Variants in SH3GL3 observed in about 807,000 individuals in gnomAD.
SH3GL3 encodes endophilin-A3.
A neutral mutation model predicts 47.7 loss-of-function variants in SH3GL3; 33 were observed. That is an observed-to-expected ratio of 0.69 (90% confidence interval 0.52 to 0.92). The LOEUF is 0.92. SH3GL3 is among the 40% of genes least tolerant of loss of function. SH3GL3 has a pLI of 0.00. For missense variants in SH3GL3, 363 were observed against 417.8 expected (o/e 0.87, Z 1.14); for synonymous variants, 155 against 148.8 (o/e 1.04, Z -0.30).
At chr15:83,554,019 CTTT>C (rs373240676) in intron 1 of SH3GL3, among the ~76,000 whole-genome samples, 2 of 129,430 alleles carry the variant, frequency 1.5e-5, no homozygotes, top group Non-Finnish European at 3.3e-5. Context: ...TTCTCTCGCT[CTTT>C]TTTTTTTTTT....
intron 1 of SH3GL3, among the ~76,000 whole-genome samples, chr15:83,474,070 T>A (rs1374495676): frequency 6.6e-6 from 1 of 152,050 alleles, no homozygotes; most frequent in Non-Finnish European, 1.5e-5. Flanking sequence ...AAATTGTAGT[T>A]AGTGTGAGGA....
intron 3 of SH3GL3, 42 bp from the exon 4 acceptor site, chr15:83,568,487 A>G (rs1227681660): frequency 2.6e-6 from 4 of 1,566,310 alleles, no homozygotes; most frequent in Admixed American, 1.7e-5. Context: ...CTGTCACTCC[A>G]CCTTGTAACT....
At chr15:83,509,962 C>CT (rs1262296566) in intron 1 of SH3GL3, among the ~76,000 whole-genome samples, 1 of 152,150 alleles carries the variant, frequency 6.6e-6, no homozygotes, top group African/African-American at 2.4e-5. Context: ...GGCCCACACA[C>CT]TTTTGCCATC....
chr15:83,502,752 G>C (rs1276719965), intron 1 of SH3GL3, among the ~76,000 whole-genome samples: 2 of 152,220 alleles, frequency 1.3e-5, no homozygotes, highest in Admixed American at 6.5e-5. Flanking sequence ...TTTTGTTGAG[G>C]GGGTTTCACT....
At chr15:83,463,755 CT>C (rs759630479) in intron 1 of SH3GL3, among the ~76,000 whole-genome samples, 1 of 134,786 alleles carries the variant, frequency 7.4e-6, no homozygotes, top group South Asian at 2.2e-4. Context: ...CCCATGTCTG[CT>C]TTCTTTCTTT....
chr15:83,555,281 A>G (rs1430335291), intron 1 of SH3GL3, among the ~76,000 whole-genome samples: 3 of 152,106 alleles, frequency 2.0e-5, no homozygotes, highest in African/African-American at 7.2e-5. Flanking sequence ...TTATTCCTTT[A>G]TCTATCATTT....
chr15:83,485,203 G>C (rs895987372), intron 1 of SH3GL3, among the ~76,000 whole-genome samples: 2 of 152,136 alleles, frequency 1.3e-5, no homozygotes, highest in Non-Finnish European at 2.9e-5. Context: ...TTCAACTGAG[G>C]AAAGTGTTTT....
At chr15:83,607,929 C>A (rs1357099117) in intron 8 of SH3GL3, among the ~76,000 whole-genome samples, 1 of 151,374 alleles carries the variant, frequency 6.6e-6, no homozygotes, top group Non-Finnish European at 1.5e-5. Flanking sequence ...GACCTGGTTG[C>A]AATAGAGGGG....
At chr15:83,535,592 T>A (rs2043868384) in intron 1 of SH3GL3, among the ~76,000 whole-genome samples, 1 of 152,206 alleles carries the variant, frequency 6.6e-6, no homozygotes, top group Admixed American at 6.5e-5. Flanking sequence ...CCCCAGACAC[T>A]GTTGAGATCT....
chr15:83,588,707 G>A lies in SH3GL3; in HGVS notation c.774G>A (p.Arg258=). 1.2e-6 allele frequency: 2 copies of A among 1,613,456 alleles called. No homozygotes were observed. The highest frequency in any genetic ancestry group is 1.7e-6 in the Non-Finnish European group (2 of 1,179,368). ...SSVPRREYKP[R]PVKRSSSELN... ...TCCCCAGACGAGAATACAAGCCAAG[G>A]CCTGTGAAAAGGAGTTCTAGTGAGC... The change falls in exon 8 of 9, where the codon AGG becomes AGA. Residue 258 remains arginine (R), a synonymous_variant. Transcript: ENST00000427482.
chr15:83,541,836 AT>A (rs1274819597), intron 1 of SH3GL3, among the ~76,000 whole-genome samples: 2 of 152,062 alleles, frequency 1.3e-5, no homozygotes, highest in Admixed American at 6.6e-5. Flanking sequence ...CTATAGAGTT[AT>A]TTGACCTCCT....
At chr15:83,628,702 C>T in the SH3GL3 span, among the ~76,000 whole-genome samples, 2 of 152,088 alleles carry the variant, frequency 1.3e-5, no homozygotes, top group Non-Finnish European at 2.9e-5. Flanking sequence ...GAGATCACGC[C>T]ATTCACTGCC....
At chr15:83,519,004 G>GT (rs1351675160) in intron 1 of SH3GL3, among the ~76,000 whole-genome samples, 1 of 151,878 alleles carries the variant, frequency 6.6e-6, no homozygotes, top group East Asian at 1.9e-4. Context: ...TTTCTGGGTT[G>GT]TCTGTTCTGT....
chr15:83,575,631 C>T (rs192589053), intron 5 of SH3GL3, among the ~76,000 whole-genome samples: 2 of 152,244 alleles, frequency 1.3e-5, no homozygotes, highest in African/African-American at 2.4e-5. Context: ...GGATTAGGGA[C>T]CAGCCCAAAG....
At chr15:83,620,525 G>A (rs1242738435), downstream of SH3GL3, among the ~76,000 whole-genome samples, 1 of 152,224 alleles carries the variant, frequency 6.6e-6, no homozygotes, top group Non-Finnish European at 1.5e-5. Flanking sequence ...GCTCCTGGAT[G>A]ACAAGGTGCA....
At chr15:83,539,178 T>G (rs1175698259) in intron 1 of SH3GL3, among the ~76,000 whole-genome samples, 1 of 152,228 alleles carries the variant, frequency 6.6e-6, no homozygotes, top group Non-Finnish European at 1.5e-5. Context: ...CCTTACAGGC[T>G]GCCACAACAA....
intron 1 of SH3GL3, among the ~76,000 whole-genome samples, chr15:83,548,020 A>G (rs1054698082): frequency 6.6e-6 from 1 of 151,484 alleles, no homozygotes; most frequent in Non-Finnish European, 1.5e-5. Context: ...TTATTTTATA[A>G]TTATTTAAAA....
At chr15:83,504,296 C>T (rs2042401477) in intron 1 of SH3GL3, among the ~76,000 whole-genome samples, 2 of 152,146 alleles carry the variant, frequency 1.3e-5, no homozygotes, top group South Asian at 4.1e-4. Context: ...GTGTTCCTTC[C>T]TGATACAATC....
intron 1 of SH3GL3, among the ~76,000 whole-genome samples, chr15:83,518,031 T>C (rs1214460893): frequency 6.6e-6 from 1 of 152,230 alleles, no homozygotes; most frequent in Non-Finnish European, 1.5e-5. Context: ...GTTAACTTGC[T>C]TAAGATAATG....
Sources: gnomAD v4.1 joint callset for allele counts (sites outside exome capture counted in the v4.1 genomes callset) on GRCh38, gnomAD v4.1.1 for gene constraint, MANE v1.5 for transcripts, NCBI Gene and HGNC (gene_info 2026-07-23, HGNC 2026-07-21) for gene names.